Variants in SHCBP1 observed in about 807,000 individuals in gnomAD.
The protein encoded by SHCBP1 is SHC binding and spindle associated 1.
SHCBP1 carries 60 observed loss-of-function variants against 75.1 expected under a neutral mutation model. The observed-to-expected ratio is 0.80, with a 90% CI of 0.65 to 0.99. SHCBP1 has a LOEUF of 0.99. SHCBP1 is among the 50% of genes least tolerant of loss of function. The pLI, the probability that SHCBP1 is intolerant of heterozygous loss-of-function variation, is 0.00. For synonymous variants in SHCBP1, 290 were observed against 293.2 expected, an observed-to-expected ratio of 0.99 and a Z score of 0.11; for missense variants, 709 against 809.4, an observed-to-expected ratio of 0.88 and a Z score of 1.50.
intron 1 of SHCBP1, among the ~76,000 whole-genome samples, chr16:46,620,143 C>A (rs902715387): frequency 1.5e-4 from 23 of 152,156 alleles, no homozygotes; most frequent in Non-Finnish European, 1.5e-5. Flanking sequence ...ATTTCCATCA[C>A]CTCGCATAGT....
chr16:46,592,974 A>AAAAAG (rs1221292733), intron 10 of SHCBP1, among the ~76,000 whole-genome samples: 26 of 148,000 alleles, frequency 1.8e-4, no homozygotes, highest in Non-Finnish European at 3.6e-4. Context: ...AAAAAAAAAA[A>AAAAAG]AAGCAGAAAT....
rs2143002163 is a variant in SHCBP1 at position 46,616,608 on chromosome 16, T to C, written c.388-454A>G. ...CGGTGTGCAGTGGAGCAGCAAGATATGAGGTGAGAAAGAGAGGCAACGAGA... is the reference window on the plus strand; with the variant it reads ...CGGTGTGCAGTGGAGCAGCAAGATACGAGGTGAGAAAGAGAGGCAACGAGA... On this transcript the variant is annotated intron_variant, in intron 3 of 12. Coordinates refer to ENST00000303383, the MANE Select transcript of SHCBP1 (RefSeq NM_024745.5). This position sits in a 1 kb window ranked among gnomAD's most constrained non-coding sequence, Gnocchi z 4.4. Among the ~76,000 whole-genome samples the C allele has an allele frequency of 6.6e-6, 1 of 151,818 alleles. No individual in the cohort carries two copies. The highest frequency in any genetic ancestry group is 6.6e-5 in the Admixed American group (1 of 15,240).
At chr16:46,608,007 G>A (rs1328544972) in intron 5 of SHCBP1, among the ~76,000 whole-genome samples, 1 of 152,156 alleles carries the variant, frequency 6.6e-6, no homozygotes, top group Admixed American at 6.5e-5. Flanking sequence ...ACAAAACAGT[G>A]AGCTACTAAT....
intron 10 of SHCBP1, among the ~76,000 whole-genome samples, chr16:46,593,887 T>C (rs960064072): frequency 6.6e-6 from 1 of 152,150 alleles, no homozygotes; most frequent in African/African-American, 2.4e-5. Context: ...TTCGTGGATA[T>C]AGACAAAATT....
chr16:46,598,281 T>G (rs1000523914), intron 9 of SHCBP1, among the ~76,000 whole-genome samples: 3 of 152,206 alleles, frequency 2.0e-5, no homozygotes, highest in Non-Finnish European at 4.4e-5. Flanking sequence ...ATAGCTGGTA[T>G]AGCCTTAGGA....
chr16:46,604,398 C>G lies in SHCBP1; in HGVS notation c.753G>C (p.Leu251Phe). 2 of 1,614,158 alleles carry G rather than the reference C, an allele frequency of 1.2e-6. No homozygotes were observed. Among genetic ancestry groups the G allele is most frequent in the Non-Finnish European group, 1.7e-6 (2 of 1,180,000 alleles). ...SGLIVDYHNL[L>F]SQCEESYRKF... ...TCCTGTAACTCTCCTCACATTGAGA[C>G]AACAGATTGTGGTAGTCAACAATAA... Residue 251 changes from leucine (L) to phenylalanine (F), a missense_variant, in exon 6 of 13, where the codon TTG (leucine) becomes TTC (phenylalanine). Physicochemically the swap from Leu to Phe is conservative, Grantham distance 22. Coordinates refer to ENST00000303383, the MANE Select transcript of SHCBP1 (RefSeq NM_024745.5).
Position 46,616,576 on chromosome 16 carries a change from A to AG in SHCBP1, c.388-423dup, listed in dbSNP as rs1965503335. ...TGGAGCCAAAGGGAGGAAATGGAGG[A>AG]GGGGGGCGGTGTGCAGTGGAGCAGC... On this transcript the variant is annotated intron_variant, in intron 3 of 12. Coordinates refer to ENST00000303383, the MANE Select transcript of SHCBP1 (RefSeq NM_024745.5). The surrounding 1 kb of genome is among the most constrained non-coding windows in gnomAD (Gnocchi z 4.4). Among the ~76,000 whole-genome samples the AG allele has an allele frequency of 2.0e-5, 3 of 152,010 alleles. No homozygotes were observed. In the South Asian group the frequency reaches 6.2e-4, roughly 32 times the overall value.
In SHCBP1 at chr16:46,581,333, A is replaced by T. The variant is rs1407987770; in HGVS notation, c.*396T>A. The T allele has an allele frequency of 6.2e-6, 1 of 162,420 alleles. No homozygotes were observed. Among genetic ancestry groups the T allele is most frequent in the East Asian group, 1.8e-4 (1 of 5,476 alleles). 10.1% of individuals were successfully genotyped at this position (162,420 alleles called of 1,614,324 possible). On this transcript the variant is annotated 3_prime_UTR_variant, in exon 13 of 13. Transcript: ENST00000303383. ...TCACTGTAATTGGGATGAAAAGGCAACTCTAAGAAGAATGCTGTACATATG... is the reference window on the plus strand; with the variant it reads ...TCACTGTAATTGGGATGAAAAGGCATCTCTAAGAAGAATGCTGTACATATG...
intron 9 of SHCBP1, among the ~76,000 whole-genome samples, chr16:46,599,581 G>A (rs1965195529): frequency 2.1e-5 from 3 of 140,212 alleles, no homozygotes; most frequent in African/African-American, 7.9e-5. Context: ...ACCAAAATGT[G>A]ACACAGAAAC....
chr16:46,588,122 G>A (rs898434205), intron 10 of SHCBP1, among the ~76,000 whole-genome samples: 5 of 152,048 alleles, frequency 3.3e-5, no homozygotes, highest in Non-Finnish European at 4.4e-5. Flanking sequence ...TGAAACCAAC[G>A]AGAACAAAGA....
chr16:46,585,543 A>G (rs963132914), intron 10 of SHCBP1, among the ~76,000 whole-genome samples: 2 of 152,218 alleles, frequency 1.3e-5, no homozygotes, highest in Non-Finnish European at 2.9e-5. Flanking sequence ...TGCTCTAACG[A>G]AAGGACTAGG....
intron 10 of SHCBP1, among the ~76,000 whole-genome samples, chr16:46,590,980 T>C (rs946235320): frequency 2.0e-5 from 3 of 152,306 alleles, no homozygotes; most frequent in Admixed American, 1.3e-4. Context: ...TGGAATACTA[T>C]GCAGCCATAA....
chr16:46,582,693 G>A (rs1439854412), intron 12 of SHCBP1, among the ~76,000 whole-genome samples: 1 of 152,200 alleles, frequency 6.6e-6, no homozygotes, highest in African/African-American at 2.4e-5. Flanking sequence ...TGATATGAAT[G>A]CGTTTGGAGA....
rs369396081 is a variant in SHCBP1, at chr16:46,617,753, C to T, written c.272-4G>A. 17 of 1,606,214 alleles carry T rather than the reference C, an allele frequency of 1.1e-5. No individual in the cohort carries two copies. Among genetic ancestry groups the T allele is most frequent in the Non-Finnish European group, 1.4e-5 (16 of 1,174,756 alleles). On this transcript the variant is annotated splice_polypyrimidine_tract_variant and splice_region_variant and intron_variant, in intron 2 of 12. Transcript: ENST00000303383. ...ACCTCAGAGGCCTTGCAGTCAGCTACAAACAAATTAAACACAGGAAGAATT... is the reference window on the plus strand; with the variant it reads ...ACCTCAGAGGCCTTGCAGTCAGCTATAAACAAATTAAACACAGGAAGAATT...
At chr16:46,582,358 T>G (rs1964885290) in intron 12 of SHCBP1, among the ~76,000 whole-genome samples, 1 of 152,220 alleles carries the variant, frequency 6.6e-6, no homozygotes, top group African/African-American at 2.4e-5. Context: ...CAGCTAATTC[T>G]AGATAGGCCC....
chr16:46,590,970 T>C (rs1379465597), intron 10 of SHCBP1, among the ~76,000 whole-genome samples: 3 of 152,184 alleles, frequency 2.0e-5, no homozygotes, highest in South Asian at 2.1e-4. Flanking sequence ...ATATACACCA[T>C]GGAATACTAT....
At chr16:46,583,450 C>A (rs1181252958) in intron 12 of SHCBP1, 66 bp downstream of exon 12, 1 of 1,494,674 alleles carries the variant, frequency 6.7e-7, no homozygotes, top group Non-Finnish European at 9.0e-7. Context: ...GACTCAGATC[C>A]TTAATCAGCA....
At chr16:46,611,946 T>C (rs1183947019) in intron 4 of SHCBP1, among the ~76,000 whole-genome samples, 1 of 152,236 alleles carries the variant, frequency 6.6e-6, no homozygotes, top group Non-Finnish European at 1.5e-5. Flanking sequence ...TCTTCATGTA[T>C]TGGTTGGAAT....
chr16:46,617,271 G>A (rs999956157), intron 3 of SHCBP1, among the ~76,000 whole-genome samples: 1 of 152,042 alleles, frequency 6.6e-6, no homozygotes, highest in African/African-American at 2.4e-5. Flanking sequence ...AACACAGTGA[G>A]ACTTCATCTT....
Sources: allele counts gnomAD v4.1 joint callset (sites outside exome capture counted in the v4.1 genomes callset), GRCh38; gene constraint gnomAD v4.1.1; non-coding constraint Gnocchi (gnomAD v3.1); transcripts MANE v1.5; gene names NCBI Gene and HGNC (gene_info 2026-07-23, HGNC 2026-07-21).